DAB2IP: variants seen among roughly 807,000 people sequenced by gnomAD.
The protein encoded by DAB2IP is DAB2 interacting protein.
Under a neutral mutation model 107.2 loss-of-function variants are expected in DAB2IP, and 28 were observed. The observed-to-expected ratio is 0.26, with a 90% confidence interval of 0.19 to 0.36. The LOEUF (loss-of-function observed/expected upper bound fraction) is 0.36. DAB2IP is among the 10% of genes least tolerant of loss of function. The pLI, the probability that DAB2IP is intolerant of heterozygous loss-of-function variation, is 1.00. For synonymous variants in DAB2IP, 755 were observed against 706.4 expected, an observed-to-expected ratio of 1.07 and a Z score of -1.09; for missense variants, 1,400 against 1,644.7, an observed-to-expected ratio of 0.85 and a Z score of 2.57.
chr9:121,622,812 C>T (rs981985504), intron 1 of DAB2IP, among the ~76,000 whole-genome samples: 3 of 152,194 alleles, frequency 2.0e-5, no homozygotes, highest in Non-Finnish European at 2.9e-5. Flanking sequence ...GATTATTTCA[C>T]AGCCAGCTTG....
At chr9:121,648,903 TCTC>T (rs1436675770), upstream of DAB2IP, among the ~76,000 whole-genome samples, 1 of 151,978 alleles carries the variant, frequency 6.6e-6, no homozygotes, top group Non-Finnish European at 1.5e-5. Flanking sequence ...AAGCAGGGCT[TCTC>T]CTGTTCAGAG....
At chr9:121,588,514 GTGGAA>G (rs1830353060) in intron 1 of DAB2IP, among the ~76,000 whole-genome samples, 1 of 148,086 alleles carries the variant, frequency 6.8e-6, no homozygotes, top group African/African-American at 2.5e-5. Flanking sequence ...CTCAACACCT[GTGGAA>G]GGGAAGGGAA....
chr9:121,639,381 A>G (rs773502227), intron 1 of DAB2IP, among the ~76,000 whole-genome samples: 3 of 152,198 alleles, frequency 2.0e-5, no homozygotes, highest in African/African-American at 7.2e-5. Flanking sequence ...AGCTGGCTGT[A>G]TTGCCTCAGA....
At chr9:121,694,888 C>A (rs1829343038) in intron 2 of DAB2IP, among the ~76,000 whole-genome samples, 2 of 152,180 alleles carry the variant, frequency 1.3e-5, no homozygotes, top group South Asian at 4.1e-4. Flanking sequence ...AGCCCTGGGG[C>A]CTTGGTTGAC....
chr9:121,635,233 T>C lies in DAB2IP; in HGVS notation c.41-43445T>C, dbSNP rs554534901. Among the ~76,000 whole-genome samples, 3 of 152,300 alleles carry C rather than the reference T, an allele frequency of 2.0e-5. No individual in the cohort carries two copies. In the East Asian group the frequency reaches 5.8e-4, roughly 29 times the overall value. ...CCTGGGGCTGTTCATTGGACAGCAC[T>C]AATTCAATGCCTAAAAATAACCTCG... On this transcript the variant is annotated intron_variant, in intron 1 of 16. Transcript: ENST00000259371. The surrounding 1 kb of genome is among the most constrained non-coding windows in gnomAD (Gnocchi z 4.3).
At chr9:121,731,738 G>A (rs1831552412) in intron 3 of DAB2IP, among the ~76,000 whole-genome samples, 1 of 152,194 alleles carries the variant, frequency 6.6e-6, no homozygotes, top group African/African-American at 2.4e-5. Flanking sequence ...AGGTGCCCGG[G>A]TTACAGTACC....
chr9:121,632,623 C>G (rs140184136), intron 1 of DAB2IP, among the ~76,000 whole-genome samples: 1 of 152,176 alleles, frequency 6.6e-6, no homozygotes, highest in Non-Finnish European at 1.5e-5. Context: ...CAGGAAGGGT[C>G]AAACACAAAC....
chr9:121,597,454 C>G (rs972448754), intron 1 of DAB2IP, among the ~76,000 whole-genome samples: 4 of 152,192 alleles, frequency 2.6e-5, no homozygotes, highest in Non-Finnish European at 5.9e-5. Context: ...AGCCTCTATT[C>G]TAGTCCACTG....
chr9:121,783,612 T>C (rs1161474315), exon 16 of DAB2IP: 1 of 1,587,904 alleles, frequency 6.3e-7, no homozygotes, highest in African/African-American at 1.3e-5. Flanking sequence ...GCGCACTGCA[T>C]GGGAAATAGC....
At position 121,678,826 on chromosome 9, in the gene DAB2IP, A is replaced by G. The variant is rs377284298; in HGVS notation, c.228+45A>G. 4.8e-5 allele frequency: 72 copies of G among 1,504,454 alleles called. 1 individual carries two copies. Among genetic ancestry groups the G allele is most frequent in the Non-Finnish European group, 5.3e-5 (59 of 1,119,898 alleles). 93.2% of individuals were successfully genotyped at this position (1,504,454 alleles called of 1,614,324 possible). A position where few individuals can be genotyped will look rare whatever the true frequency, so the allele number is the denominator to read the frequency against. The stretch of plus-strand genomic sequence containing the variant: ...CAACACCGCCACTGCCACCACCATC[A>G]CCACCTCGCCCGGGGTGCTGCTCTG... On this transcript the variant is annotated intron_variant, in intron 2 of 15. Transcript: ENST00000408936.
At chr9:121,779,791 G>T (rs1835464473) in intron 14 of DAB2IP, among the ~76,000 whole-genome samples, 1 of 152,200 alleles carries the variant, frequency 6.6e-6, no homozygotes, top group Non-Finnish European at 1.5e-5. Context: ...ATATTATTCA[G>T]TCAGAGACAC....
chr9:121,685,177 A>G (rs879873501), intron 2 of DAB2IP, among the ~76,000 whole-genome samples: 6 of 151,850 alleles, frequency 4.0e-5, no homozygotes, highest in Non-Finnish European at 7.4e-5. Flanking sequence ...CCTGCCCTTC[A>G]CGGAGGCTGA....
At chr9:121,711,979 T>G (rs1253333832) in intron 3 of DAB2IP, among the ~76,000 whole-genome samples, 1 of 152,252 alleles carries the variant, frequency 6.6e-6, no homozygotes, top group Non-Finnish European at 1.5e-5. Flanking sequence ...CCCACAGATT[T>G]GCATAATTGC....
intron 3 of DAB2IP, among the ~76,000 whole-genome samples, chr9:121,752,416 C>T (rs1043911634): frequency 6.7e-6 from 1 of 148,796 alleles, no homozygotes; most frequent in Admixed American, 6.6e-5. Context: ...GACCTTGGAG[C>T]CAGCCAGACC....
intron 8 of DAB2IP, among the ~76,000 whole-genome samples, chr9:121,766,028 C>T (rs1318458475): frequency 6.6e-6 from 1 of 152,210 alleles, no homozygotes; most frequent in Non-Finnish European, 1.5e-5. Context: ...GTGATGGGAA[C>T]CCAAGGAATA....
chr9:121,658,533 G>A (rs982863861), intron 1 of DAB2IP, among the ~76,000 whole-genome samples: 28 of 152,266 alleles, frequency 1.8e-4, no homozygotes, highest in African/African-American at 1.9e-4. Context: ...GCATTTCAGC[G>A]TTTGTTCAAT....
At chr9:121,719,438 C>T (rs1830801685) in intron 3 of DAB2IP, among the ~76,000 whole-genome samples, 1 of 152,138 alleles carries the variant, frequency 6.6e-6, no homozygotes, top group Non-Finnish European at 1.5e-5. Context: ...AGAGGGAACC[C>T]CATGAGCCTA....
At chr9:121,588,183 A>G (rs577939478) in intron 1 of DAB2IP, among the ~76,000 whole-genome samples, 1 of 152,252 alleles carries the variant, frequency 6.6e-6, no homozygotes, top group African/African-American at 2.4e-5. Flanking sequence ...GCATAGGGAA[A>G]AAAAGGTCAA....
chr9:121,595,186 A>T (rs1332732224), intron 1 of DAB2IP, among the ~76,000 whole-genome samples: 2 of 152,022 alleles, frequency 1.3e-5, no homozygotes, highest in Non-Finnish European at 2.9e-5. Context: ...CGGAAACTGA[A>T]GTTCAGAGTA....
Sources: allele counts gnomAD v4.1 joint callset (sites outside exome capture counted in the v4.1 genomes callset), GRCh38; gene constraint gnomAD v4.1.1; non-coding constraint Gnocchi (gnomAD v3.1); transcripts MANE v1.5; gene names NCBI Gene and HGNC (gene_info 2026-07-23, HGNC 2026-07-21).